TNNI3K: variants seen among roughly 807,000 people sequenced by gnomAD.
TNNI3K encodes the protein serine/threonine-protein kinase TNNI3K.
Under a neutral mutation model 114.5 loss-of-function variants are expected in TNNI3K, and 140 were observed. The observed-to-expected ratio is 1.22, with a 90% confidence interval of 1.07 to 1.41. The LOEUF (loss-of-function observed/expected upper bound fraction) is 1.41, where lower values mean the gene tolerates loss of function less well. Ranked by LOEUF, TNNI3K falls within the 40% of genes most tolerant of loss-of-function variation. TNNI3K has a pLI of 0.00. For missense variants in TNNI3K, 1,125 were observed against 1,007.6 expected (o/e 1.12, Z -1.58); for synonymous variants, 347 against 347.5 (o/e 1.00, Z 0.02).
At chr1:74,309,698 C>T (rs1484486343) in intron 5 of TNNI3K, among the ~76,000 whole-genome samples, 2 of 152,020 alleles carry the variant, frequency 1.3e-5, no homozygotes, top group African/African-American at 2.4e-5. Context: ...ACAGAATTGA[C>T]AACCAAGAAC....
intron 11 of TNNI3K, among the ~76,000 whole-genome samples, chr1:74,364,486 A>G (rs1662160728): frequency 1.3e-5 from 2 of 152,012 alleles, no homozygotes; most frequent in East Asian, 1.9e-4. Context: ...AAAGATGTTC[A>G]GTTCCTGTTC....
intron 23 of TNNI3K, among the ~76,000 whole-genome samples, chr1:74,501,540 G>A (rs1230661438): frequency 1.3e-5 from 2 of 152,090 alleles, no homozygotes; most frequent in African/African-American, 4.8e-5. Flanking sequence ...AGGCTAGAGT[G>A]CAGTGGCACA....
intron 5 of TNNI3K, among the ~76,000 whole-genome samples, chr1:74,324,707 AAGAG>A (rs1218182260): frequency 1.3e-5 from 2 of 152,134 alleles, no homozygotes; most frequent in African/African-American, 4.8e-5. Flanking sequence ...AAGAGAGAGA[AAGAG>A]AGACCATTAT....
At chr1:74,249,213 C>A (rs1361040579) in intron 2 of TNNI3K, among the ~76,000 whole-genome samples, 1 of 151,520 alleles carries the variant, frequency 6.6e-6, no homozygotes, top group Admixed American at 6.6e-5. Context: ...GTCAGTGATT[C>A]TGGAGCAACT....
At chr1:74,272,209 T>C (rs1396056132) in intron 5 of TNNI3K, among the ~76,000 whole-genome samples, 1 of 151,930 alleles carries the variant, frequency 6.6e-6, no homozygotes, top group African/African-American at 2.4e-5. Context: ...GATACTGTTT[T>C]AGATGCTGGG....
intron 7 of TNNI3K, among the ~76,000 whole-genome samples, 188 bp from the exon 8 acceptor site, chr1:74,342,654 G>A (rs563524304): frequency 1.1e-3 from 174 of 152,258 alleles, no homozygotes; most frequent in African/African-American, 4.0e-3. Flanking sequence ...GTTTAATGTG[G>A]TAGTAGGCAA....
intron 11 of TNNI3K, among the ~76,000 whole-genome samples, chr1:74,365,747 C>T (rs906249022): frequency 3.3e-5 from 5 of 152,016 alleles, no homozygotes; most frequent in South Asian, 2.1e-4. Context: ...TTTCCCTGAT[C>T]GTGAGCTCGC....
intron 7 of TNNI3K, among the ~76,000 whole-genome samples, chr1:74,340,363 A>G (rs1427996651): frequency 6.6e-6 from 1 of 152,188 alleles, no homozygotes; most frequent in Non-Finnish European, 1.5e-5. Flanking sequence ...TAGAGCAAAT[A>G]GAATGTTATT....
chr1:74,340,310 G>C (rs1339466851), intron 7 of TNNI3K, among the ~76,000 whole-genome samples: 3 of 152,018 alleles, frequency 2.0e-5, no homozygotes. Flanking sequence ...TGTATTTTTT[G>C]TTTTAAATTC....
intron 21 of TNNI3K, among the ~76,000 whole-genome samples, chr1:74,466,708 G>A (rs1469506336): frequency 6.6e-6 from 1 of 152,180 alleles, no homozygotes; most frequent in Non-Finnish European, 1.5e-5. Flanking sequence ...GCTTCTGTAT[G>A]TGACTCACTT....
In TNNI3K at chr1:74,465,543, C is replaced by A. The variant is rs568873250; in HGVS notation, c.2121+1993C>A. 3.0e-4 allele frequency among the ~76,000 whole-genome samples: 46 copies of A among 151,528 alleles called. 4 individuals carry two copies. Among genetic ancestry groups the A allele is most frequent in the Admixed American group, 2.7e-3 (41 of 15,292 alleles). On this transcript the variant is annotated intron_variant, in intron 21 of 24. Coordinates refer to ENST00000326637, the MANE Select transcript of TNNI3K (RefSeq NM_015978.3). Reference sequence around the variant, plus strand: ...AGCCCTCCATGCCCGAGTCCCCCCCCAACCGTGGGCTCCTGCGTGGCCCGA... The same window carrying A: ...AGCCCTCCATGCCCGAGTCCCCCCCAAACCGTGGGCTCCTGCGTGGCCCGA...
intron 2 of TNNI3K, among the ~76,000 whole-genome samples, chr1:74,243,650 G>T (rs986634747): frequency 1.3e-5 from 2 of 152,034 alleles, no homozygotes; most frequent in African/African-American, 4.8e-5. Context: ...AGTTTAATTG[G>T]ATCACAAAAC....
chr1:74,424,713 C>A, intron 17 of TNNI3K, among the ~76,000 whole-genome samples: 3 of 90,864 alleles, frequency 3.3e-5, no homozygotes, highest in Non-Finnish European at 2.4e-5. Flanking sequence ...AGAGTGAGTC[C>A]ATCTCAAAAA....
rs367713939 is a variant in TNNI3K at position 74,477,695 on chromosome 1, A to G, written c.2122-11494A>G. 9.8e-5 allele frequency among the ~76,000 whole-genome samples: 15 copies of G among 152,322 alleles called. No homozygotes were observed. In the East Asian group the frequency reaches 1.4e-3, roughly 14 times the overall value. On this transcript the variant is annotated intron_variant, in intron 21 of 24. Transcript: ENST00000326637. ...CCCCTGCTCTTGATACTAGGTATAT[A>G]TCTGTATCCCATTACCAGTCAGGTA... is the stretch of plus-strand genomic sequence containing the variant.
At chr1:74,374,568 CT>C (rs1388641126) in intron 17 of TNNI3K, 1 of 151,890 alleles carries the variant, frequency 6.6e-6, no homozygotes, top group African/African-American at 2.4e-5. Flanking sequence ...GTACTTTAAT[CT>C]TTTAAAAAGT....
At chr1:74,294,226 A>G (rs1354732965) in intron 5 of TNNI3K, among the ~76,000 whole-genome samples, 1 of 151,914 alleles carries the variant, frequency 6.6e-6, no homozygotes, top group Non-Finnish European at 1.5e-5. Context: ...ATTTTCTCAT[A>G]ATGTTAGAAA....
intron 4 of TNNI3K, among the ~76,000 whole-genome samples, chr1:74,256,754 T>A (rs1655338932): frequency 6.6e-6 from 1 of 152,164 alleles, no homozygotes; most frequent in African/African-American, 2.4e-5. Flanking sequence ...TCATTTTATC[T>A]TCATTCTTTG....
rs1172023256 is a variant in TNNI3K at position 74,421,323 on chromosome 1, G to T, written c.1773-14757G>T. On this transcript the variant is annotated intron_variant, in intron 17 of 24. Coordinates refer to ENST00000326637, the MANE Select transcript of TNNI3K (RefSeq NM_015978.3). Reference sequence around the variant, plus strand: ...TTTTAAAGGTGTTTACAGCCAAGTGGGCGTTCAGAAGTACACATAAGTGAT... The same window carrying T: ...TTTTAAAGGTGTTTACAGCCAAGTGTGCGTTCAGAAGTACACATAAGTGAT... Among the ~76,000 whole-genome samples, 4 of 152,164 alleles carry T rather than the reference G, an allele frequency of 2.6e-5. No homozygotes were observed. In the East Asian group the frequency reaches 7.7e-4, roughly 29 times the overall value.
At chr1:74,331,649 G>A in intron 6 of TNNI3K, 101 bp downstream of exon 6, 2 of 1,098,636 alleles carry the variant, frequency 1.8e-6, no homozygotes, top group Non-Finnish European at 2.5e-6. Flanking sequence ...AAATATATTT[G>A]AATTATTTTT....
Sources: allele counts gnomAD v4.1 joint callset (sites outside exome capture counted in the v4.1 genomes callset), GRCh38; gene constraint gnomAD v4.1.1; transcripts MANE v1.5; gene names NCBI Gene and HGNC (gene_info 2026-07-23, HGNC 2026-07-21).